MAPK10: variants seen among roughly 807,000 people sequenced by gnomAD.
MAPK10 encodes the protein JNK3 alpha protein kinase.
A neutral mutation model predicts 59.3 loss-of-function variants in MAPK10; 25 were observed. The ratio of observed to expected loss-of-function variants is 0.42; its 90% CI spans 0.31 to 0.59. The LOEUF (loss-of-function observed/expected upper bound fraction) is 0.59, where lower values mean the gene tolerates loss of function less well. Ranked by LOEUF, MAPK10 falls within the 20% of genes least tolerant of loss-of-function variation. The pLI, the probability that MAPK10 is intolerant of heterozygous loss-of-function variation, is 0.15. For synonymous variants in MAPK10, 190 were observed against 200.5 expected (o/e 0.95, Z 0.44); for missense variants, 351 against 568.9 (o/e 0.62, Z 3.90).
At chr4:86,306,498 C>T (rs1239735349) in intron 2 of MAPK10, among the ~76,000 whole-genome samples, 2 of 152,186 alleles carry the variant, frequency 1.3e-5, no homozygotes, top group Non-Finnish European at 2.9e-5. Context: ...CTAATGTGTT[C>T]ACTCAAAACT....
chr4:86,141,940 A>C (rs984374945), intron 4 of MAPK10, among the ~76,000 whole-genome samples: 4 of 152,186 alleles, frequency 2.6e-5, no homozygotes, highest in Non-Finnish European at 5.9e-5. Context: ...CATGGCAGAG[A>C]CCATCAAAGG....
chr4:86,274,503 C>T (rs1299137936), intron 2 of MAPK10, among the ~76,000 whole-genome samples: 1 of 151,718 alleles, frequency 6.6e-6, no homozygotes, highest in African/African-American at 2.4e-5. Context: ...AGCTTTCTCG[C>T]CTCTCACTTT....
At chr4:86,405,870 C>T (rs1289609457) in intron 1 of MAPK10, among the ~76,000 whole-genome samples, 2 of 152,114 alleles carry the variant, frequency 1.3e-5, no homozygotes, top group East Asian at 1.9e-4. Flanking sequence ...TGTTGGAATC[C>T]ATCATCTTGT....
chr4:86,234,656 A>G (rs116200230), intron 2 of MAPK10, among the ~76,000 whole-genome samples: 1,592 of 152,222 alleles, frequency 0.01, 11 homozygotes, highest in Middle Eastern at 0.032. Context: ...AACTTTTTCC[A>G]TTTAAAATCA....
intron 1 of MAPK10, among the ~76,000 whole-genome samples, chr4:86,525,183 A>G (rs1026844880): frequency 1.3e-5 from 2 of 151,998 alleles, no homozygotes; most frequent in Admixed American, 6.6e-5. Flanking sequence ...TGTTGTCCCA[A>G]CTACTTGGGA....
At chr4:86,578,129 G>A (rs533220636) in intron 1 of MAPK10, among the ~76,000 whole-genome samples, 1 of 152,236 alleles carries the variant, frequency 6.6e-6, no homozygotes, top group South Asian at 2.1e-4. Flanking sequence ...TGGGGGTGAT[G>A]TTGCTCCCAA....
intron 2 of MAPK10, among the ~76,000 whole-genome samples, chr4:86,257,412 C>G (rs929148429): frequency 1.3e-5 from 2 of 152,208 alleles, no homozygotes; most frequent in Non-Finnish European, 2.9e-5. Flanking sequence ...CCTAGGCAGT[C>G]TTCTTGAGTC....
At chr4:86,082,286 A>G (rs1282961902) in intron 9 of MAPK10, 1 of 152,202 alleles carries the variant, frequency 6.6e-6, no homozygotes, top group Non-Finnish European at 1.5e-5. Context: ...GAGTGGTAGC[A>G]TATGTGTGTC....
At chr4:86,247,264 A>G (rs1311346155) in intron 2 of MAPK10, among the ~76,000 whole-genome samples, 1 of 152,158 alleles carries the variant, frequency 6.6e-6, no homozygotes, top group East Asian at 1.9e-4. Flanking sequence ...TCAGGGTATC[A>G]CTTTCTTCTA....
intron 2 of MAPK10, among the ~76,000 whole-genome samples, chr4:86,247,105 G>C (rs928597473): frequency 6.6e-6 from 1 of 152,146 alleles, no homozygotes; most frequent in Non-Finnish European, 1.5e-5. Flanking sequence ...CATGAAGGAA[G>C]CCAGCTTAAA....
At chr4:86,170,208 C>G (rs1044663902) in intron 3 of MAPK10, among the ~76,000 whole-genome samples, 8 of 151,688 alleles carry the variant, frequency 5.3e-5, no homozygotes, top group Admixed American at 1.3e-4. Context: ...ACACACATCA[C>G]AATATTAACT....
chr4:86,448,016 T>G (rs1483795555), intron 1 of MAPK10, among the ~76,000 whole-genome samples: 1 of 152,186 alleles, frequency 6.6e-6, no homozygotes, highest in Non-Finnish European at 1.5e-5. Context: ...AGTTTCCCCT[T>G]TTCTAAATGA....
At chr4:86,085,197 A>C (rs10001162) in intron 9 of MAPK10, among the ~76,000 whole-genome samples, 67,447 of 151,986 alleles carry the variant, frequency 0.44, 15,545 homozygotes, top group African/African-American at 0.56. Flanking sequence ...GCAAAAATTT[A>C]TTGAGTAATA....
chr4:86,486,326 T>C (rs1269624402), intron 1 of MAPK10, among the ~76,000 whole-genome samples: 1 of 151,918 alleles, frequency 6.6e-6, no homozygotes, highest in African/African-American at 2.4e-5. Context: ...CATACACACA[T>C]GCATAACCAC....
At chr4:86,065,903 C>T (rs1414841739) in intron 10 of MAPK10, among the ~76,000 whole-genome samples, 4 of 152,038 alleles carry the variant, frequency 2.6e-5, no homozygotes, top group African/African-American at 9.7e-5. Context: ...CAGATTAAAA[C>T]AACTTGGCTA....
chr4:86,362,269 C>T (rs1177869598), upstream of MAPK10, among the ~76,000 whole-genome samples: 1 of 151,952 alleles, frequency 6.6e-6, no homozygotes, highest in East Asian at 1.9e-4. Context: ...ATTGTGAACA[C>T]AAATATTTAT....
At chr4:86,269,168 T>C (rs1231515688) in intron 2 of MAPK10, among the ~76,000 whole-genome samples, 1 of 152,142 alleles carries the variant, frequency 6.6e-6, no homozygotes, top group Non-Finnish European at 1.5e-5. Context: ...CAATGTGATA[T>C]TCTCAGTGTT....
At chr4:86,423,772 T>TAC (rs1350268855) in intron 1 of MAPK10, among the ~76,000 whole-genome samples, 2 of 75,080 alleles carry the variant, frequency 2.7e-5, no homozygotes, top group Non-Finnish European at 6.7e-5. Flanking sequence ...TATATATACA[T>TAC]ATATATATAT....
In MAPK10 at chr4:86,311,414, A is replaced by G. The variant is rs536107417; in HGVS notation, c.-7+43116T>C. Among the ~76,000 whole-genome samples, 5 of 152,206 alleles carry G rather than the reference A, an allele frequency of 3.3e-5. No individual in the cohort carries two copies. The South Asian group carries it at 1.0e-3, about 32-fold the overall frequency. On this transcript the variant is annotated intron_variant, in intron 2 of 13. Coordinates refer to ENST00000641462, the MANE Select transcript of MAPK10 (RefSeq NM_138982.4). ...TTACATTATAGGATACCTTTAGGAT[A>G]GTTCTTGTTTGGAATTTGAGGACCT...
Sources: gnomAD v4.1 joint callset for allele counts (sites outside exome capture counted in the v4.1 genomes callset) on GRCh38, gnomAD v4.1.1 for gene constraint, MANE v1.5 for transcripts, NCBI Gene and HGNC (gene_info 2026-07-23, HGNC 2026-07-21) for gene names.